The following CCND3 variants were observed in gnomAD, a reference collection of about 807,000 sequenced individuals.
The protein encoded by CCND3 is cyclin D3.
CCND3 carries 9 observed loss-of-function variants against 28.7 expected under a neutral mutation model. The ratio of observed to expected loss-of-function variants is 0.31; its 90% confidence interval spans 0.19 to 0.55. CCND3 has a LOEUF of 0.55. Among genes scored for constraint, CCND3 ranks in the 20% least tolerant of loss-of-function variants. The pLI is 0.93. For missense variants in CCND3, 315 were observed against 385.8 expected (o/e 0.82, Z 1.54); for synonymous variants, 164 against 163.9 (o/e 1.00, Z 0.00).
intron 1 of CCND3, among the ~76,000 whole-genome samples, chr6:42,047,746 G>C (rs975583250): frequency 6.6e-6 from 1 of 152,154 alleles, no homozygotes; most frequent in Non-Finnish European, 1.5e-5. Flanking sequence ...ACCACAGCTG[G>C]GGTTCAATCC....
intron 3 of CCND3, 118 bp downstream of exon 3, chr6:41,937,117 G>T (rs1775827406): frequency 9.0e-7 from 1 of 1,107,940 alleles, no homozygotes; most frequent in Non-Finnish European, 1.4e-6. Context: ...GGGGCTCAGA[G>T]GGGGTATAAT....
intron 1 of CCND3, among the ~76,000 whole-genome samples, chr6:42,016,853 G>C (rs1463845998): frequency 2.0e-5 from 3 of 152,120 alleles, no homozygotes; most frequent in African/African-American, 7.2e-5. Context: ...CCAAAGTGCT[G>C]GGATTACAGG....
chr6:41,979,370 A>G (rs1223848509), intron 1 of CCND3, among the ~76,000 whole-genome samples: 2 of 151,170 alleles, frequency 1.3e-5, no homozygotes, highest in Admixed American at 1.3e-4. Flanking sequence ...CGTCTCTATT[A>G]AAAAATACAA....
At chr6:41,972,240 A>AAAAAAAG (rs1554162050) in intron 1 of CCND3, among the ~76,000 whole-genome samples, 37 of 99,748 alleles carry the variant, frequency 3.7e-4, no homozygotes, top group Non-Finnish European at 6.6e-4. Flanking sequence ...AAAAAAAAAA[A>AAAAAAAG]AAAAGAAAAG....
At chr6:41,951,082 T>C (rs1417751977) in intron 1 of CCND3, among the ~76,000 whole-genome samples, 1 of 151,954 alleles carries the variant, frequency 6.6e-6, no homozygotes, top group Non-Finnish European at 1.5e-5. Context: ...AATCCTAAGA[T>C]GTCATGAAGA....
At position 41,941,745 on chromosome 6, in the gene CCND3, G is replaced by GCTGGCA. The variant is rs1776036189; in HGVS notation, c.-102_-97dup. On this transcript the variant is annotated 5_prime_UTR_variant, in exon 1 of 5. Coordinates refer to ENST00000372991, the MANE Select transcript of CCND3 (RefSeq NM_001760.5). The surrounding 1 kb of genome is among the most constrained non-coding windows in gnomAD (Gnocchi z 6.1). The stretch of plus-strand genomic sequence containing the variant: ...CGCGGGGCGCGGGTCTGGCGCTGGC[G>GCTGGCA]CTGGCACTGCGCGGCGGATCCCCAG... The GCTGGCA allele has an allele frequency of 3.2e-5, 28 of 867,600 alleles. No homozygotes were observed. Among genetic ancestry groups the GCTGGCA allele is most frequent in the Non-Finnish European group, 4.3e-5 (28 of 657,472 alleles). The allele number at this position is 867,600 out of a possible 1,614,324, so 53.7% of individuals were successfully genotyped here.
chr6:42,009,661 G>A (rs1157643969), intron 1 of CCND3, among the ~76,000 whole-genome samples: 1 of 150,276 alleles, frequency 6.7e-6, no homozygotes, highest in Non-Finnish European at 1.5e-5. Flanking sequence ...AAAAAAATTA[G>A]CTGGGGGTGG....
intron 1 of CCND3, among the ~76,000 whole-genome samples, chr6:41,967,949 C>T (rs1761932254): frequency 6.6e-6 from 1 of 152,130 alleles, no homozygotes; most frequent in African/African-American, 2.4e-5. Flanking sequence ...TTTTTGCACC[C>T]AGGATTTTGT....
chr6:42,047,228 C>G (rs913288899), intron 1 of CCND3, among the ~76,000 whole-genome samples: 2 of 152,196 alleles, frequency 1.3e-5, no homozygotes, highest in East Asian at 3.8e-4. Context: ...TTATCAGAGG[C>G]TTTCAGTGTT....
chr6:41,978,025 A>T (rs1762230510), intron 1 of CCND3, among the ~76,000 whole-genome samples: 1 of 151,652 alleles, frequency 6.6e-6, no homozygotes, highest in South Asian at 2.1e-4. Context: ...ACTGCACTCT[A>T]GCCTGGGTGA....
intron 1 of CCND3, among the ~76,000 whole-genome samples, chr6:41,992,333 T>C (rs1419665376): frequency 6.6e-6 from 1 of 151,910 alleles, no homozygotes; most frequent in East Asian, 1.9e-4. Context: ...CGGCTAATTT[T>C]TGCATTTTTA....
chr6:42,000,048 A>ATG (rs10623864), intron 1 of CCND3, among the ~76,000 whole-genome samples: 147,858 of 150,930 alleles, frequency 0.98, 72,496 homozygotes, highest in East Asian at 1. Context: ...AGGCCTGTGT[A>ATG]TGTGTGTGTG....
At chr6:42,049,897 T>G (rs989106488), upstream of CCND3, 1 of 152,248 alleles carries the variant, frequency 6.6e-6, no homozygotes, top group African/African-American at 2.4e-5. Flanking sequence ...GGGATTGGGC[T>G]GGGCCCAGCC....
intron 1 of CCND3, among the ~76,000 whole-genome samples, chr6:42,015,415 T>TA (rs1489435166): frequency 6.6e-6 from 1 of 151,936 alleles, no homozygotes; most frequent in Non-Finnish European, 1.5e-5. Context: ...TATTTTATTT[T>TA]AAAAAAAAGT....
At chr6:42,040,856 C>T (rs1331878568) in intron 1 of CCND3, among the ~76,000 whole-genome samples, 1 of 124,964 alleles carries the variant, frequency 8.0e-6, no homozygotes, top group Non-Finnish European at 1.8e-5. Flanking sequence ...ATCTCAAAAA[C>T]AAACAAACAA....
chr6:42,031,491 C>T (rs920681057), intron 1 of CCND3: 13 of 152,284 alleles, frequency 8.5e-5, no homozygotes, highest in African/African-American at 2.4e-4. Context: ...ACTTTACTCT[C>T]GGCACCTACT....
At chr6:41,971,984 G>A (rs9462758) in intron 1 of CCND3, among the ~76,000 whole-genome samples, 189 of 150,460 alleles carry the variant, frequency 1.3e-3, no homozygotes, top group African/African-American at 4.5e-3. Flanking sequence ...CCAGCACTTT[G>A]GGAGGCCAAG....
chr6:41,963,881 C>T (rs1761783708), intron 1 of CCND3, among the ~76,000 whole-genome samples: 1 of 152,158 alleles, frequency 6.6e-6, no homozygotes, highest in Non-Finnish European at 1.5e-5. Flanking sequence ...TAGCTCCTTT[C>T]CTCACTTCCC....
chr6:42,027,742 G>C (rs12191565), intron 1 of CCND3, among the ~76,000 whole-genome samples: 8 of 150,804 alleles, frequency 5.3e-5, no homozygotes, highest in African/African-American at 1.7e-4. Context: ...AGTTTTTTTT[G>C]TTTGTTTGTT....
Sources: allele counts gnomAD v4.1 joint callset (sites outside exome capture counted in the v4.1 genomes callset), GRCh38; gene constraint gnomAD v4.1.1; non-coding constraint Gnocchi (gnomAD v3.1); transcripts MANE v1.5; gene names NCBI Gene and HGNC (gene_info 2026-07-23, HGNC 2026-07-21).